TRAP1: variants seen among roughly 807,000 people sequenced by gnomAD.
TRAP1 encodes the protein TNF receptor associated protein 1, also known as heat shock protein 75 kDa, mitochondrial.
In TRAP1, 102 loss-of-function variants were observed where a neutral mutation model predicts 89.1. That is an observed-to-expected ratio of 1.15 (90% CI 0.98 to 1.35). The LOEUF (loss-of-function observed/expected upper bound fraction) is 1.35. Among genes scored for constraint, TRAP1 ranks in the 40% most tolerant of loss-of-function variants. The pLI is 0.00. For synonymous variants in TRAP1, 508 were observed against 388.0 expected (o/e 1.31, Z -3.64); for missense variants, 1,256 against 945.3 (o/e 1.33, Z -4.31).
chr16:3,704,439 A>C (rs1212740981), intron 1 of TRAP1: 3 of 152,276 alleles, frequency 2.0e-5, no homozygotes, highest in African/African-American at 7.2e-5. Flanking sequence ...AACTATTCTC[A>C]TTCTAAAATT....
In TRAP1 at chr16:3,686,014, T is replaced by G. The variant is rs140365949; in HGVS notation, c.453A>C (p.Lys151Asn). The G allele has an allele frequency of 1.2e-6, 2 of 1,613,938 alleles. No individual in the cohort carries two copies. The highest frequency in any genetic ancestry group is 2.2e-5 in the East Asian group (1 of 44,874). Residue 151 changes from lysine (K) to asparagine (N), a missense_variant, in exon 4 of 18, where the codon AAA becomes AAC. Physicochemically the swap from Lys to Asn is moderately conservative, Grantham distance 94. Transcript: ENST00000246957. ...GAGGTACCTGGATGGTGATGGTGCC[T>G]TTCTCGGCATTGGTCTGCAAGTGAA... The part of the protein sequence containing the change: ...MEIHLQTNAE[K>N]GTITIQDTGI...
chr16:3,711,286 C>T (rs544683891), intron 1 of TRAP1, among the ~76,000 whole-genome samples: 1 of 152,222 alleles, frequency 6.6e-6, no homozygotes, highest in East Asian at 1.9e-4. Flanking sequence ...ACCCAATCTA[C>T]AGGAATTCAC....
intron 17 of TRAP1, 196 bp downstream of exon 17, chr16:3,658,597 C>T (rs368133535): frequency 5.9e-5 from 35 of 594,172 alleles, no homozygotes; most frequent in Non-Finnish European, 9.2e-5. Flanking sequence ...TGCTTGAACC[C>T]GGGAGGCAGA....
intron 1 of TRAP1, among the ~76,000 whole-genome samples, chr16:3,712,672 A>G (rs1448275315): frequency 2.0e-5 from 3 of 152,104 alleles, no homozygotes; most frequent in East Asian, 3.9e-4. Flanking sequence ...CAGTGGCACA[A>G]TCTTGGCTCA....
At chr16:3,706,072 C>G (rs1393297294) in intron 1 of TRAP1, among the ~76,000 whole-genome samples, 1 of 151,764 alleles carries the variant, frequency 6.6e-6, no homozygotes, top group African/African-American at 2.4e-5. Flanking sequence ...CTCCAATTCC[C>G]AGGGTCAAGT....
intron 11 of TRAP1, among the ~76,000 whole-genome samples, chr16:3,668,397 G>T (rs911665941): frequency 6.6e-6 from 1 of 152,184 alleles, no homozygotes; most frequent in African/African-American, 2.4e-5. Flanking sequence ...TGAATGTATT[G>T]AGAGTTTCAT....
At chr16:3,669,575 C>T (rs2050882750) in intron 11 of TRAP1, among the ~76,000 whole-genome samples, 2 of 152,024 alleles carry the variant, frequency 1.3e-5, no homozygotes, top group Admixed American at 1.3e-4. Context: ...TGGCTCACAC[C>T]TGTAATCCCA....
chr16:3,682,953 G>A (rs534394633), intron 4 of TRAP1, among the ~76,000 whole-genome samples: 3 of 151,884 alleles, frequency 2.0e-5, no homozygotes, highest in Admixed American at 1.3e-4. Flanking sequence ...CAGATCACAC[G>A]AGGCCGGGAG....
At chr16:3,671,024 A>C (rs962423889) in intron 11 of TRAP1, among the ~76,000 whole-genome samples, 2 of 152,112 alleles carry the variant, frequency 1.3e-5, no homozygotes, top group Non-Finnish European at 2.9e-5. Flanking sequence ...TCAACACTGG[A>C]GAGAAACCGG....
intron 15 of TRAP1, 158 bp from the exon 16 acceptor site, chr16:3,662,290 A>G: frequency 1.2e-6 from 1 of 863,316 alleles, no homozygotes; most frequent in East Asian, 2.7e-5. Context: ...TTACCCACTA[A>G]CTTGTGGGCC....
At chr16:3,695,011 T>C (rs1325965182) in intron 1 of TRAP1, among the ~76,000 whole-genome samples, 4 of 151,992 alleles carry the variant, frequency 2.6e-5, no homozygotes, top group Admixed American at 6.6e-5. Context: ...GGTCATCTTC[T>C]CCCTGTGTCT....
Position 3,675,464 on chromosome 16 carries a change from G to C in TRAP1, c.815-67C>G, listed in dbSNP as rs1390657591. The C allele has an allele frequency of 3.3e-6, 5 of 1,507,664 alleles. No individual in the cohort carries two copies. The African/African-American group carries it at 6.9e-5, about 21-fold the overall frequency. The allele number at this position is 1,507,664 out of a possible 1,614,324, so 93.4% of individuals were successfully genotyped here. A position where few individuals can be genotyped will look rare whatever the true frequency, so the allele number is the denominator to read the frequency against. On this transcript the variant is annotated intron_variant, in intron 7 of 17. Coordinates refer to ENST00000246957, the MANE Select transcript of TRAP1 (RefSeq NM_016292.3). ...TTGTGGAAACGCAAGCTTTGCAGCAGCTCCAGGATGAGCGCCAGCCTGCTG... is the reference window on the plus strand; with the variant it reads ...TTGTGGAAACGCAAGCTTTGCAGCACCTCCAGGATGAGCGCCAGCCTGCTG...
At chr16:3,708,027 AT>A (rs1469901985) in intron 1 of TRAP1, among the ~76,000 whole-genome samples, 1 of 152,106 alleles carries the variant, frequency 6.6e-6, no homozygotes, top group East Asian at 1.9e-4. Context: ...TCTAAAAAAA[AT>A]GTTTTTTAAT....
intron 15 of TRAP1, 124 bp from the exon 16 acceptor site, chr16:3,662,256 T>A: frequency 8.4e-7 from 1 of 1,189,476 alleles, no homozygotes; most frequent in Non-Finnish European, 1.2e-6. Flanking sequence ...AGGACTCCCC[T>A]GGACCAGCGC....
chr16:3,693,547 G>A (rs1425564775), intron 1 of TRAP1, among the ~76,000 whole-genome samples: 1 of 152,162 alleles, frequency 6.6e-6, no homozygotes, highest in Non-Finnish European at 1.5e-5. Flanking sequence ...AAGTGTCCAA[G>A]TGCCAACACC....
rs190192470 is a variant in TRAP1 at position 3,696,308 on chromosome 16, G to C, written c.89-5323C>G. Among the ~76,000 whole-genome samples the C allele has an allele frequency of 1.5e-3, 228 of 152,302 alleles. 2 individuals are homozygous for C. Among genetic ancestry groups the C allele is most frequent in the African/African-American group, 5.0e-3 (206 of 41,566 alleles). On this transcript the variant is annotated intron_variant, in intron 1 of 17. Coordinates refer to ENST00000246957, the MANE Select transcript of TRAP1 (RefSeq NM_016292.3). Reference sequence around the variant, plus strand: ...GGACGAGAAAGGACGGGGTGTGTCAGGAGAACACACAGCCCAGCCAGAAGG... The same window carrying C: ...GGACGAGAAAGGACGGGGTGTGTCACGAGAACACACAGCCCAGCCAGAAGG...
In TRAP1 at chr16:3,670,807, A is replaced by T. The variant is rs180963011; in HGVS notation, c.1235+915T>A. ...GGCAGGAGGATATCACCGGCAGGCC[A>T]TGTGACCTCGCAGGGCTGGGCATGG... On this transcript the variant is annotated intron_variant, in intron 11 of 17. Transcript: ENST00000246957. Among the ~76,000 whole-genome samples, 340 of 152,270 alleles carry T rather than the reference A, an allele frequency of 2.2e-3. 4 individuals carry two copies. The highest frequency in any genetic ancestry group is 0.018 in the Admixed American group (272 of 15,288).
chr16:3,675,018 G>A (rs1349359350), intron 8 of TRAP1: 26 of 388,152 alleles, frequency 6.7e-5, no homozygotes, highest in East Asian at 4.5e-4. Flanking sequence ...GAATTGATGC[G>A]GGGTGGCTGC....
chr16:3,675,505 G>A, intron 7 of TRAP1, 108 bp from the exon 8 acceptor site: 1 of 1,028,820 alleles, frequency 9.7e-7, no homozygotes, highest in Middle Eastern at 2.4e-4. Flanking sequence ...GGTCCTCCAT[G>A]CTGTGTACAC....
Sources: allele counts gnomAD v4.1 joint callset (sites outside exome capture counted in the v4.1 genomes callset), GRCh38; gene constraint gnomAD v4.1.1; transcripts MANE v1.5; gene names NCBI Gene and HGNC (gene_info 2026-07-23, HGNC 2026-07-21).